Variants in IQCM observed in about 807,000 individuals in gnomAD.
IQCM encodes IQ domain-containing protein M.
In IQCM, 45 loss-of-function variants were observed where a neutral mutation model predicts 57.6. The observed-to-expected ratio is 0.78, with a 90% CI of 0.62 to 1.00. The LOEUF (loss-of-function observed/expected upper bound fraction) is 1.00, where lower values mean the gene tolerates loss of function less well. IQCM is among the 50% of genes least tolerant of loss of function. The pLI, the probability that IQCM is intolerant of heterozygous loss-of-function variation, is 0.00. For synonymous variants in IQCM, 148 were observed against 158.9 expected (o/e 0.93, Z 0.51); for missense variants, 468 against 511.6 (o/e 0.91, Z 0.82).
At chr4:149,367,515 A>T (rs1182904881) in intron 13 of IQCM, among the ~76,000 whole-genome samples, 1 of 152,014 alleles carries the variant, frequency 6.6e-6, no homozygotes, top group African/African-American at 2.4e-5. Flanking sequence ...CTAATTCATT[A>T]AGTAGTACAT....
intron 5 of IQCM, among the ~76,000 whole-genome samples, chr4:149,692,294 T>C (rs1762998131): frequency 6.6e-6 from 1 of 152,216 alleles, no homozygotes; most frequent in African/African-American, 2.4e-5. Context: ...CTAGGGTTCA[T>C]TTGTTACTCA....
chr4:149,703,216 C>T (rs997682774), intron 5 of IQCM, among the ~76,000 whole-genome samples: 2 of 151,860 alleles, frequency 1.3e-5, no homozygotes. Flanking sequence ...TTCTTTAGTA[C>T]AAGAATAAAA....
At chr4:149,686,311 G>T in intron 6 of IQCM, 67 bp downstream of exon 6, 2 of 674,386 alleles carry the variant, frequency 3.0e-6, no homozygotes, top group Non-Finnish European at 4.2e-6. Context: ...CATGACAATT[G>T]GTCAGGGAAT....
intron 8 of IQCM, among the ~76,000 whole-genome samples, chr4:149,593,481 T>C (rs1163386456): frequency 6.6e-6 from 1 of 152,140 alleles, no homozygotes; most frequent in Non-Finnish European, 1.5e-5. Context: ...TGGCCAGAAC[T>C]TCCAACACTA....
intron 13 of IQCM, among the ~76,000 whole-genome samples, chr4:149,419,440 T>C (rs148468775): frequency 0.011 from 1,686 of 152,228 alleles, 8 homozygotes; most frequent in Non-Finnish European, 0.018. Flanking sequence ...GCTAGCCATA[T>C]GCAGAAAATT....
intron 13 of IQCM, among the ~76,000 whole-genome samples, chr4:149,414,934 A>G (rs1173036809): frequency 1.3e-5 from 2 of 152,120 alleles, no homozygotes; most frequent in Non-Finnish European, 1.5e-5. Context: ...TAGATTCATG[A>G]AGAAAAATAC....
intron 5 of IQCM, among the ~76,000 whole-genome samples, chr4:149,710,498 C>A (rs17502508): frequency 0.024 from 3,606 of 152,104 alleles, 72 homozygotes; most frequent in African/African-American, 0.051. Flanking sequence ...TAGAAACAGG[C>A]AATCCATGCC....
intron 12 of IQCM, among the ~76,000 whole-genome samples, chr4:149,529,687 C>T (rs897417310): frequency 6.6e-6 from 1 of 152,130 alleles, no homozygotes; most frequent in Non-Finnish European, 1.5e-5. Context: ...TGAGAGGTTC[C>T]TGAATCCATC....
chr4:149,420,916 G>C (rs1473296274), intron 13 of IQCM, among the ~76,000 whole-genome samples: 1 of 151,914 alleles, frequency 6.6e-6, no homozygotes, highest in Non-Finnish European at 1.5e-5. Context: ...TTTCTCTTCT[G>C]CCTCTAAGTC....
intron 9 of IQCM, among the ~76,000 whole-genome samples, chr4:149,570,118 CAT>C (rs777364688): frequency 1.2e-4 from 18 of 151,950 alleles, no homozygotes; most frequent in Admixed American, 2.6e-4. Context: ...ATTAAGAACA[CAT>C]TTTCATTTAT....
intron 9 of IQCM, among the ~76,000 whole-genome samples, chr4:149,576,367 A>G (rs927108019): frequency 9.2e-5 from 14 of 151,660 alleles, no homozygotes; most frequent in Non-Finnish European, 1.3e-4. Context: ...CGTGTACCCA[A>G]TATTTAGCTT....
chr4:149,526,894 A>T (rs1579370453), intron 12 of IQCM, among the ~76,000 whole-genome samples: 1 of 152,228 alleles, frequency 6.6e-6, no homozygotes, highest in Non-Finnish European at 1.5e-5. Context: ...ATTTTAAGGA[A>T]ATAATTTATT....
At chr4:149,587,395 ATTG>A (rs896867411) in intron 9 of IQCM, among the ~76,000 whole-genome samples, 7 of 151,758 alleles carry the variant, frequency 4.6e-5, no homozygotes, top group Non-Finnish European at 8.8e-5. Flanking sequence ...TCGAAACTTC[ATTG>A]TTAACTTTCC....
chr4:149,395,378 C>T (rs1732150468), intron 13 of IQCM, among the ~76,000 whole-genome samples: 1 of 152,004 alleles, frequency 6.6e-6, no homozygotes, highest in Non-Finnish European at 1.5e-5. Flanking sequence ...ACAGAAATAT[C>T]ATTTGCTGAA....
chr4:149,706,294 G>A (rs1049233509), intron 5 of IQCM, among the ~76,000 whole-genome samples: 2 of 151,820 alleles, frequency 1.3e-5, no homozygotes, highest in Admixed American at 6.6e-5. Flanking sequence ...CACATTTAAG[G>A]ATATAAAAAA....
chr4:149,365,014 T>G (rs756279490), intron 13 of IQCM, among the ~76,000 whole-genome samples: 1 of 152,086 alleles, frequency 6.6e-6, no homozygotes, highest in African/African-American at 2.4e-5. Flanking sequence ...AAATATGGGT[T>G]CATATTCATA....
chr4:149,596,782 T>C (rs1178491452), intron 8 of IQCM, among the ~76,000 whole-genome samples: 1 of 152,094 alleles, frequency 6.6e-6, no homozygotes, highest in Non-Finnish European at 1.5e-5. Flanking sequence ...ACCAAAAAAG[T>C]TTGAAAATTT....
intron 13 of IQCM, among the ~76,000 whole-genome samples, chr4:149,420,175 A>G (rs1332155867): frequency 6.6e-6 from 1 of 152,158 alleles, no homozygotes; most frequent in Non-Finnish European, 1.5e-5. Context: ...TCATTCTATT[A>G]TAAAGACACA....
At chr4:149,628,479 C>T (rs1222952135) in intron 7 of IQCM, among the ~76,000 whole-genome samples, 2 of 151,998 alleles carry the variant, frequency 1.3e-5, no homozygotes, top group East Asian at 3.9e-4. Context: ...CTGGATTTGG[C>T]AAGCACTCCT....
Sources: allele counts gnomAD v4.1 joint callset (sites outside exome capture counted in the v4.1 genomes callset), GRCh38; gene constraint gnomAD v4.1.1; transcripts MANE v1.5; gene names NCBI Gene and HGNC (gene_info 2026-07-23, HGNC 2026-07-21).